Variants in PCDHGB1 observed in about 807,000 individuals in gnomAD.
PCDHGB1 encodes protocadherin gamma-B1.
In PCDHGB1, 34 loss-of-function variants were observed where a neutral mutation model predicts 56.6. The observed-to-expected ratio is 0.60, with a 90% CI of 0.46 to 0.80. The LOEUF (loss-of-function observed/expected upper bound fraction) is 0.80, where lower values mean the gene tolerates loss of function less well. Among genes scored for constraint, PCDHGB1 ranks in the 30% least tolerant of loss-of-function variants. The probability of loss-of-function intolerance (pLI) is 0.00; values close to 1 mark genes in which losing one functional copy is unlikely to be tolerated. For synonymous variants in PCDHGB1, 561 were observed against 505.9 expected, an observed-to-expected ratio of 1.11 and a Z score of -1.46; for missense variants, 1,278 against 1,204.6, an observed-to-expected ratio of 1.06 and a Z score of -0.90.
chr5:141,361,838 G>T lies in PCDHGB1; in HGVS notation c.2409+9169G>T, dbSNP rs761837286. ...CCACGGGTGCTGTACCCCGCGCTGG[G>T]GCCTGATGGCTCCGCCCTCTTCGAT... On this transcript the variant is annotated intron_variant, in intron 1 of 3. Coordinates refer to ENST00000523390, the MANE Select transcript of PCDHGB1 (RefSeq NM_018922.3). 27 of 1,612,714 alleles carry T rather than the reference G, an allele frequency of 1.7e-5. No individual in the cohort carries two copies. Among genetic ancestry groups the T allele is most frequent in the Non-Finnish European group, 2.2e-5 (26 of 1,179,748 alleles).
chr5:141,351,540 C>T lies in PCDHGB1; in HGVS notation c.1280C>T (p.Ala427Val), dbSNP rs1371036376. ...TIIATDKGKP[A>V]LSSRTSITLH... ...ATAGCCACCGACAAGGGCAAACCAG[C>T]CCTTTCCTCCAGGACAAGCATCACC... The change falls in exon 1 of 4, where the codon GCC (alanine) becomes GTC (valine). Residue 427 changes from alanine (A) to valine (V), a missense_variant. Coordinates refer to ENST00000523390, the MANE Select transcript of PCDHGB1 (RefSeq NM_018922.3). 1.2e-6 allele frequency: 2 copies of T among 1,614,024 alleles called. No individual in the cohort carries two copies. The highest frequency in any genetic ancestry group is 8.5e-7 in the Non-Finnish European group (1 of 1,179,892).
rs894528472 is a variant in PCDHGB1 at position 141,489,718 on chromosome 5, C to A, written c.2410-5089C>A. 6.2e-7 allele frequency: 1 copy of A among 1,614,038 alleles called. No individual in the cohort carries two copies. Among genetic ancestry groups the A allele is most frequent in the African/African-American group, 1.3e-5 (1 of 74,934 alleles). ...ATTCCCACTGGACAGTGCCCAGGATCCGGATGTGGGCACCAATACTGTGAG... is the reference window on the plus strand; with the variant it reads ...ATTCCCACTGGACAGTGCCCAGGATACGGATGTGGGCACCAATACTGTGAG... On this transcript the variant is annotated intron_variant, in intron 1 of 3. Coordinates refer to ENST00000523390, the MANE Select transcript of PCDHGB1 (RefSeq NM_018922.3). This position sits in a 1 kb window ranked among gnomAD's most constrained non-coding sequence, Gnocchi z 4.5.
In PCDHGB1 at chr5:141,480,546, G is replaced by A. The variant is rs184388425; in HGVS notation, c.2410-14261G>A. Reference sequence around the variant, plus strand: ...GACAAAGTAGAAGCACATATGAAAAGGCTAAGAAAGCATGAAAGCCAGCAA... The same window carrying A: ...GACAAAGTAGAAGCACATATGAAAAAGCTAAGAAAGCATGAAAGCCAGCAA... On this transcript the variant is annotated intron_variant, in intron 1 of 3. Coordinates refer to ENST00000523390, the MANE Select transcript of PCDHGB1 (RefSeq NM_018922.3). 4.9e-4 allele frequency among the ~76,000 whole-genome samples: 63 copies of A among 128,620 alleles called. 1 individual carries two copies. Among genetic ancestry groups the A allele is most frequent in the Middle Eastern group, 4.2e-3 (1 of 236 alleles). The allele number at this position is 128,620 out of a possible 152,430, so 84.4% of individuals were successfully genotyped here. A position where few individuals can be genotyped will look rare whatever the true frequency, so the allele number is the denominator to read the frequency against.
chr5:141,492,037 C>A (rs556842734), intron 1 of PCDHGB1: 94 of 538,798 alleles, frequency 1.7e-4, no homozygotes, highest in Non-Finnish European at 2.5e-4. Flanking sequence ...AGGAGGCAGT[C>A]ACAGATCCAC....
intron 1 of PCDHGB1, chr5:141,399,810 C>A (rs148150333): frequency 2.5e-6 from 4 of 1,613,076 alleles, no homozygotes; most frequent in Middle Eastern, 1.7e-4. Flanking sequence ...TGCTGTACCC[C>A]GCGCTGGGTC....
At chr5:141,360,144 G>C (rs1761438795) in intron 1 of PCDHGB1, 1 of 1,596,030 alleles carries the variant, frequency 6.3e-7, no homozygotes, top group African/African-American at 1.3e-5. Context: ...AGATGAAAGC[G>C]AGCTCAGGGA....
At chr5:141,448,086 TA>T (rs558292628) in intron 1 of PCDHGB1, among the ~76,000 whole-genome samples, 67 of 146,274 alleles carry the variant, frequency 4.6e-4, no homozygotes, top group African/African-American at 8.0e-4. Context: ...AATGCCATCT[TA>T]AAAAAAAAAA....
At chr5:141,390,353 T>C (rs2092125983) in intron 1 of PCDHGB1, 3 of 1,554,516 alleles carry the variant, frequency 1.9e-6, no homozygotes, top group African/African-American at 2.8e-5. Flanking sequence ...AAAATATACA[T>C]ATTTGCAGGA....
At chr5:141,405,488 C>A in intron 1 of PCDHGB1, 1 of 895,936 alleles carries the variant, frequency 1.1e-6, no homozygotes, top group Non-Finnish European at 1.7e-6. Context: ...GGTGTGATCT[C>A]GGCTCATTGC....
Position 141,390,867 on chromosome 5 carries a change from C to T in PCDHGB1, c.2409+38198C>T, listed in dbSNP as rs370388746. On this transcript the variant is annotated intron_variant, in intron 1 of 3. Transcript: ENST00000523390. Reference sequence around the variant, plus strand: ...TTATATGCAGTGTACGCTGTGTGTGCGTGTGTGTGTGTGTGTGTGTGAGAG... The same window carrying T: ...TTATATGCAGTGTACGCTGTGTGTGTGTGTGTGTGTGTGTGTGTGTGAGAG... The T allele has an allele frequency of 2.6e-4, 39 of 151,156 alleles. No homozygotes were observed. In the South Asian group the frequency reaches 4.4e-3, roughly 17 times the overall value. 9.4% of individuals were successfully genotyped at this position (151,156 alleles called of 1,614,324 possible).
chr5:141,400,363 T>C (rs1271706599), intron 1 of PCDHGB1: 1 of 1,613,958 alleles, frequency 6.2e-7, no homozygotes, highest in Non-Finnish European at 8.5e-7. Flanking sequence ...GACTTTGCCT[T>C]ATTCCTACAA....
intron 1 of PCDHGB1, among the ~76,000 whole-genome samples, chr5:141,455,650 C>T (rs1176718096): frequency 2.6e-5 from 4 of 151,994 alleles, no homozygotes; most frequent in African/African-American, 9.7e-5. Flanking sequence ...AGCCATGTGG[C>T]CAGGAACTTG....
At chr5:141,436,991 T>G (rs1016670604) in intron 1 of PCDHGB1, among the ~76,000 whole-genome samples, 2 of 152,238 alleles carry the variant, frequency 1.3e-5, no homozygotes, top group African/African-American at 4.8e-5. Flanking sequence ...AGAAGCAGTT[T>G]ACTTCAATGG....
intron 1 of PCDHGB1, chr5:141,392,745 G>T: frequency 6.9e-7 from 1 of 1,441,296 alleles, no homozygotes; most frequent in Non-Finnish European, 9.1e-7. Flanking sequence ...CCATAGCTGC[G>T]GCAAGAAACT....
At chr5:141,399,348 C>G (rs1287526689) in intron 1 of PCDHGB1, 1 of 1,613,940 alleles carries the variant, frequency 6.2e-7, no homozygotes, top group Non-Finnish European at 8.5e-7. Flanking sequence ...GAACCCTAGA[C>G]CGAGAGCAAA....
rs558730748 is a variant in PCDHGB1, at chr5:141,469,995, G to A, written c.2410-24812G>A. Reference sequence around the variant, plus strand: ...AAAATACAAAAATTAGCTGGTCGTCGTGGCACGCCTGTAATCCCAGCTACT... The same window carrying A: ...AAAATACAAAAATTAGCTGGTCGTCATGGCACGCCTGTAATCCCAGCTACT... On this transcript the variant is annotated intron_variant, in intron 1 of 3. Coordinates refer to ENST00000523390, the MANE Select transcript of PCDHGB1 (RefSeq NM_018922.3). Among the ~76,000 whole-genome samples, 8 of 152,194 alleles carry A rather than the reference G, an allele frequency of 5.3e-5. No homozygotes were observed. In the East Asian group the frequency reaches 5.8e-4, roughly 11 times the overall value.
At chr5:141,497,848 T>C (rs2099779951) in intron 2 of PCDHGB1, among the ~76,000 whole-genome samples, 1 of 152,178 alleles carries the variant, frequency 6.6e-6, no homozygotes, top group South Asian at 2.1e-4. Flanking sequence ...AACAAACATT[T>C]TTGATTCAGC....
In PCDHGB1 at chr5:141,511,345, TCC is replaced by T; in HGVS notation, c.*178_*179del. 1 of 1,410,484 alleles carries T rather than the reference TCC, an allele frequency of 7.1e-7. No homozygotes were observed. The highest frequency in any genetic ancestry group is 9.4e-7 in the Non-Finnish European group (1 of 1,060,658). The allele number at this position is 1,410,484 out of a possible 1,614,324, so 87.4% of individuals were successfully genotyped here. On this transcript the variant is annotated 3_prime_UTR_variant, in exon 4 of 4. Coordinates refer to ENST00000523390, the MANE Select transcript of PCDHGB1 (RefSeq NM_018922.3). ...AAGTGCCCAGTCAGCACCTACCCCT[TCC>T]CCCCCAGGGGGTTGAATATGCAAAA... is the stretch of plus-strand genomic sequence containing the variant.
At chr5:141,371,631 G>A in intron 1 of PCDHGB1, 5 of 1,614,006 alleles carry the variant, frequency 3.1e-6, no homozygotes, top group Non-Finnish European at 3.4e-6. Flanking sequence ...CCTGGACCGG[G>A]AGCAGATCCC....
Sources: gnomAD v4.1 joint callset for allele counts (sites outside exome capture counted in the v4.1 genomes callset) on GRCh38, gnomAD v4.1.1 for gene constraint, Gnocchi (gnomAD v3.1) non-coding constraint, MANE v1.5 for transcripts, NCBI Gene and HGNC (gene_info 2026-07-23, HGNC 2026-07-21) for gene names.